The following GPHN variants were observed in gnomAD, a reference collection of about 807,000 sequenced individuals.
GPHN encodes gephyrin.
Under a neutral mutation model 95.5 loss-of-function variants are expected in GPHN, and 17 were observed. The ratio of observed to expected loss-of-function variants is 0.18; its 90% confidence interval spans 0.12 to 0.27. GPHN has a LOEUF of 0.27. Among genes scored for constraint, GPHN ranks in the 10% least tolerant of loss-of-function variants. GPHN has a pLI of 1.00. For synonymous variants in GPHN, 320 were observed against 322.5 expected (o/e 0.99, Z 0.08); for missense variants, 660 against 978.1 (o/e 0.67, Z 4.34).
chr14:67,259,468 C>T, the GPHN span, among the ~76,000 whole-genome samples: 14 of 151,874 alleles, frequency 9.2e-5, no homozygotes, highest in Admixed American at 3.9e-4. Flanking sequence ...AAAAATCAGC[C>T]GGGTGTAGTG....
chr14:66,540,696 C>T (rs1356380780), intron 1 of GPHN, among the ~76,000 whole-genome samples: 3 of 152,200 alleles, frequency 2.0e-5, no homozygotes, highest in Admixed American at 6.5e-5. Flanking sequence ...CAACTGGCTA[C>T]GCTTAGTTCT....
intron 11 of GPHN, among the ~76,000 whole-genome samples, chr14:67,067,991 C>T (rs1030156256): frequency 2.6e-5 from 4 of 152,218 alleles, no homozygotes; most frequent in African/African-American, 9.6e-5. Flanking sequence ...ATGAGATGAA[C>T]TGGGTACCTC....
At chr14:67,245,643 C>A in the GPHN span, among the ~76,000 whole-genome samples, 3 of 152,008 alleles carry the variant, frequency 2.0e-5, no homozygotes, top group Non-Finnish European at 4.4e-5. Context: ...TGAGCCGCTG[C>A]CCCAAAAGTT....
At chr14:66,825,178 T>TG (rs570344702) in intron 4 of GPHN, among the ~76,000 whole-genome samples, 30 of 151,744 alleles carry the variant, frequency 2.0e-4, no homozygotes, top group African/African-American at 2.9e-4. Context: ...TTAACTAATA[T>TG]GGGGGGGGAT....
the GPHN span, chr14:67,347,259 G>C: frequency 4.8e-6 from 3 of 625,290 alleles, no homozygotes; most frequent in Non-Finnish European, 8.2e-6. Context: ...TTGATTAACT[G>C]ATCAACTATT....
At chr14:66,717,863 A>G (rs2070340427) in intron 2 of GPHN, among the ~76,000 whole-genome samples, 2 of 152,192 alleles carry the variant, frequency 1.3e-5, no homozygotes, top group Admixed American at 1.3e-4. Context: ...TGAACCGTCT[A>G]TGGGTCTCTC....
At chr14:67,274,969 T>G in the GPHN span, among the ~76,000 whole-genome samples, 1 of 152,244 alleles carries the variant, frequency 6.6e-6, no homozygotes, top group Non-Finnish European at 1.5e-5. Context: ...TGCACATTGA[T>G]TTTGTATCCT....
intron 1 of GPHN, among the ~76,000 whole-genome samples, chr14:66,658,396 T>G (rs575496202): frequency 1.3e-4 from 20 of 152,300 alleles, no homozygotes; most frequent in African/African-American, 4.8e-4. Flanking sequence ...GCAGGATCTG[T>G]GAGGATTGAC....
the GPHN span, chr14:67,585,617 A>G: frequency 6.3e-7 from 1 of 1,583,692 alleles, no homozygotes; most frequent in Non-Finnish European, 8.6e-7. Context: ...ATTGCTGTGA[A>G]TGAGGATGGC....
chr14:67,693,505 C>T, the GPHN span, among the ~76,000 whole-genome samples: 6 of 144,696 alleles, frequency 4.1e-5, no homozygotes, highest in Admixed American at 6.9e-5. Context: ...GACTCTGGGA[C>T]AAAATAAACA....
intron 4 of GPHN, among the ~76,000 whole-genome samples, chr14:66,864,047 A>G (rs1208763241): frequency 1.3e-5 from 2 of 152,200 alleles, no homozygotes; most frequent in Non-Finnish European, 2.9e-5. Context: ...ATAGGAGAAA[A>G]TATTTGCAAA....
intron 18 of GPHN, among the ~76,000 whole-genome samples, chr14:67,150,310 G>C (rs1302093887): frequency 6.7e-6 from 1 of 150,190 alleles, no homozygotes; most frequent in South Asian, 2.1e-4. Flanking sequence ...GCGTAGTGGC[G>C]GGCGCCTGTA....
Position 67,029,487 on chromosome 14 carries a change from G to A in GPHN, c.1006+5812G>A, listed in dbSNP as rs762462067. ...CAAGTAGCTGGGATTACAGGCATGC[G>A]CCACCACACCCAGCTAATTTCGTAT... is the stretch of plus-strand genomic sequence containing the variant. On this transcript the variant is annotated intron_variant, in intron 10 of 22. Coordinates refer to ENST00000478722, the MANE Select transcript of GPHN (RefSeq NM_020806.5). Among the ~76,000 whole-genome samples the A allele has an allele frequency of 4.6e-5, 7 of 151,950 alleles. No homozygotes were observed. The South Asian group carries it at 6.2e-4, about 14-fold the overall frequency.
downstream of GPHN, among the ~76,000 whole-genome samples, chr14:67,183,451 T>G (rs1378820917): frequency 6.6e-6 from 1 of 152,242 alleles, no homozygotes; most frequent in Admixed American, 6.5e-5. Flanking sequence ...ATGAGGATAC[T>G]GAGGCACAGA....
At chr14:67,677,363 ATTTTTTTTTTTTTTT>A in the GPHN span, 8 of 31,978 alleles carry the variant, frequency 2.5e-4, no homozygotes, top group East Asian at 1.4e-3. Context: ...TGTTTTTAGG[ATTTTTTTTTTTTTTT>A]TTTTTTTTTT....
chr14:66,711,055 T>C (rs1595646943), intron 2 of GPHN, among the ~76,000 whole-genome samples: 2 of 152,300 alleles, frequency 1.3e-5, no homozygotes, highest in Admixed American at 6.5e-5. Context: ...GTTTTGTTTG[T>C]TTTTCCATAG....
the GPHN span, among the ~76,000 whole-genome samples, chr14:67,439,589 C>CT: frequency 1.5e-4 from 19 of 123,622 alleles, no homozygotes; most frequent in African/African-American, 6.6e-4. Flanking sequence ...TTCTTTCTTT[C>CT]TTTCTTCTTT....
chr14:67,390,034 A>T, the GPHN span, among the ~76,000 whole-genome samples: 106 of 152,340 alleles, frequency 7.0e-4, 1 homozygote, highest in South Asian at 0.022. Flanking sequence ...TTTCAACAAA[A>T]ACTAATGAAA....
chr14:67,164,574 C>T (rs1037644421), intron 19 of GPHN, among the ~76,000 whole-genome samples: 3 of 151,996 alleles, frequency 2.0e-5, no homozygotes, highest in Non-Finnish European at 4.4e-5. Context: ...TCACTGCAAC[C>T]TCTGCCTCCC....
Sources: gnomAD v4.1 joint callset for allele counts (sites outside exome capture counted in the v4.1 genomes callset) on GRCh38, gnomAD v4.1.1 for gene constraint, MANE v1.5 for transcripts, NCBI Gene and HGNC (gene_info 2026-07-23, HGNC 2026-07-21) for gene names.